GAS6: variants seen among roughly 807,000 people sequenced by gnomAD.
GAS6 encodes growth arrest-specific protein 6.
In GAS6, 41 loss-of-function variants were observed where a neutral mutation model predicts 75.8. The ratio of observed to expected loss-of-function variants is 0.54; its 90% CI spans 0.42 to 0.70. The LOEUF (loss-of-function observed/expected upper bound fraction) is 0.70, where lower values mean the gene tolerates loss of function less well. GAS6 is among the 30% of genes least tolerant of loss of function. The pLI, the probability that GAS6 is intolerant of heterozygous loss-of-function variation, is 0.00. For synonymous variants in GAS6, 432 were observed against 412.6 expected (o/e 1.05, Z -0.57); for missense variants, 854 against 940.2 (o/e 0.91, Z 1.20).
chr13:113,837,310 A>T lies in GAS6; in HGVS notation c.589+759T>A. 6.6e-6 allele frequency among the ~76,000 whole-genome samples: 1 copy of T among 151,802 alleles called. No homozygotes were observed. Among genetic ancestry groups the T allele is most frequent in the East Asian group, 1.9e-4 (1 of 5,178 alleles). On this transcript the variant is annotated intron_variant, in intron 6 of 14. Transcript: ENST00000327773. The surrounding 1 kb of genome is among the most constrained non-coding windows in gnomAD (Gnocchi z 5.1). ...TGGCCCCTCCTGTCTGGTCAGATTC[A>T]CTCTCCAGATCCTGGGGCTGTTTCT...
intron 2 of GAS6, among the ~76,000 whole-genome samples, chr13:113,859,072 A>G (rs1383515091): frequency 1.3e-5 from 2 of 148,214 alleles, no homozygotes; most frequent in African/African-American, 5.1e-5. Context: ...ACGTATGTCT[A>G]TGTGAATGTG....
intron 2 of GAS6, among the ~76,000 whole-genome samples, chr13:113,850,509 C>T (rs1279384063): frequency 6.6e-6 from 1 of 152,148 alleles, no homozygotes; most frequent in Non-Finnish European, 1.5e-5. Context: ...AAATCCTTTC[C>T]CCGGGGATCT....
intron 2 of GAS6, among the ~76,000 whole-genome samples, chr13:113,851,545 GTGAGTGAGTGGATAGA>G (rs1048471726): frequency 2.0e-5 from 3 of 151,620 alleles, no homozygotes; most frequent in Non-Finnish European, 4.4e-5. Flanking sequence ...GAATGGGTGG[GTGAGTGAGTGGATAGA>G]TGAGTGAGTG....
intron 2 of GAS6, among the ~76,000 whole-genome samples, chr13:113,853,578 TTA>T (rs1303786480): frequency 1.3e-5 from 2 of 152,376 alleles, no homozygotes; most frequent in African/African-American, 4.8e-5. Flanking sequence ...CCAAAAATCT[TTA>T]TCTTACTTGA....
At chr13:113,857,369 T>G (rs2051923199) in intron 2 of GAS6, among the ~76,000 whole-genome samples, 1 of 152,228 alleles carries the variant, frequency 6.6e-6, no homozygotes, top group Non-Finnish European at 1.5e-5. Flanking sequence ...TTTTAAAACT[T>G]TTAAAATGAA....
chr13:113,833,044 G>A (rs2051650063), intron 8 of GAS6: 1 of 1,305,746 alleles, frequency 7.7e-7, no homozygotes, highest in East Asian at 3.6e-5. Context: ...AATATTTCAA[G>A]CATACAAAAA....
At chr13:113,846,613 G>A (rs1157160517) in intron 3 of GAS6, 24 bp from the exon 4 acceptor site, 2 of 1,602,830 alleles carry the variant, frequency 1.2e-6, no homozygotes, top group Non-Finnish European at 8.5e-7. Context: ...GGGAATGGAT[G>A]TCAGTCATCC....
At chr13:113,853,616 A>G (rs1251662988) in intron 2 of GAS6, among the ~76,000 whole-genome samples, 1 of 152,260 alleles carries the variant, frequency 6.6e-6, no homozygotes, top group Admixed American at 6.5e-5. Flanking sequence ...TGCTGAGCAC[A>G]GGGACTCTGT....
chr13:113,853,765 T>A (rs750960494), intron 2 of GAS6, among the ~76,000 whole-genome samples: 10 of 152,208 alleles, frequency 6.6e-5, no homozygotes, highest in Non-Finnish European at 1.5e-4. Context: ...GGAACTGCCC[T>A]TGGGGAGCCT....
At chr13:113,828,222 C>G (rs571164260) in intron 11 of GAS6, among the ~76,000 whole-genome samples, 23 of 152,190 alleles carry the variant, frequency 1.5e-4, no homozygotes, top group Non-Finnish European at 2.6e-4. Flanking sequence ...CGAGATCGCG[C>G]CACTGCACTC....
intron 2 of GAS6, among the ~76,000 whole-genome samples, chr13:113,862,599 A>G (rs114428128): frequency 1.4e-3 from 218 of 152,288 alleles, no homozygotes; most frequent in African/African-American, 4.9e-3. Flanking sequence ...CTCTGCAGGG[A>G]TGAGCTATGT....
intron 12 of GAS6, among the ~76,000 whole-genome samples, chr13:113,826,456 C>T (rs1477678423): frequency 7.8e-4 from 88 of 112,520 alleles, no homozygotes; most frequent in African/African-American, 1.1e-3. Flanking sequence ...CCCAGCCTCC[C>T]GGCGCCGGCC....
In GAS6 at chr13:113,834,568, C is replaced by T. The variant is rs753888465; in HGVS notation, c.817G>A (p.Asp273Asn). 1 of 1,597,200 alleles carries T rather than the reference C, an allele frequency of 6.3e-7. No homozygotes were observed. The highest frequency in any genetic ancestry group is 8.5e-7 in the Non-Finnish European group (1 of 1,173,146). ...CCGCCTACCTCACAGGTGTCCATGT[C>T]CTGGGACAGCTTGAGGCCCCCACGC... ...DGRGGLKLSQ[D>N]MDTCEDILPC... The change falls in exon 8 of 15, where the codon GAC (aspartate) becomes AAC (asparagine). Residue 273 changes from aspartate (D) to asparagine (N), a missense_variant. By Grantham distance (23) the Asp-to-Asn change is conservative. Transcript: ENST00000327773.
At position 113,834,116 on chromosome 13, in the gene GAS6, CCGGTGTGACAGGT is replaced by C. The variant is rs200355199; in HGVS notation, c.834+422_834+434del. On this transcript the variant is annotated intron_variant, in intron 8 of 14. Transcript: ENST00000327773. ...CAGGTAGGTCATGCTGTGATAGGCC[CCGGTGTGACAGGT>C]CGGTGTGACAGGCACCAGTGTGACA... is the stretch of plus-strand genomic sequence containing the variant. Among the ~76,000 whole-genome samples, 548 of 136,518 alleles carry C rather than the reference CCGGTGTGACAGGT, an allele frequency of 4.0e-3. 14 individuals are homozygous for C. In the East Asian group the frequency reaches 0.05, roughly 12 times the overall value. The allele number at this position is 136,518 out of a possible 152,430, so 89.6% of individuals were successfully genotyped here.
At chr13:113,855,170 G>A (rs1304054759) in intron 2 of GAS6, among the ~76,000 whole-genome samples, 2 of 151,880 alleles carry the variant, frequency 1.3e-5, no homozygotes, top group South Asian at 2.1e-4. Context: ...CCCATCTCCG[G>A]TGAGGGCGTC....
At chr13:113,841,500 A>G (rs72488204) in intron 4 of GAS6, 26,507 of 135,150 alleles carry the variant, frequency 0.2, 3,056 homozygotes, top group South Asian at 0.26. Context: ...AATTTCCTCC[A>G]TACGCCCCAC....
Position 113,820,797 on chromosome 13 carries a change from G to A in GAS6, c.*67C>T, listed in dbSNP as rs2051443626. The stretch of plus-strand genomic sequence containing the variant: ...CTCTCAGCATGGCCCCACGTGGTGA[G>A]GAGCCCCCAGGCTCCTCCCGGCTGT... On this transcript the variant is annotated 3_prime_UTR_variant, in exon 15 of 15. Coordinates refer to ENST00000327773, the MANE Select transcript of GAS6 (RefSeq NM_000820.4). The A allele has an allele frequency of 2.0e-6, 3 of 1,534,914 alleles. No homozygotes were observed. Among genetic ancestry groups the A allele is most frequent in the Non-Finnish European group, 2.6e-6 (3 of 1,136,382 alleles).
chr13:113,862,069 T>C (rs1465968554), intron 2 of GAS6, among the ~76,000 whole-genome samples: 2 of 152,244 alleles, frequency 1.3e-5, no homozygotes, highest in Non-Finnish European at 2.9e-5. Context: ...CATTTTCTTA[T>C]CTTCATTTCA....
At chr13:113,822,406 G>A (rs2051473184) in intron 13 of GAS6, 1 of 463,456 alleles carries the variant, frequency 2.2e-6, no homozygotes. Flanking sequence ...GGCCAGCCTG[G>A]GAGGCTGTGG....
Sources: gnomAD v4.1 joint callset for allele counts (sites outside exome capture counted in the v4.1 genomes callset) on GRCh38, gnomAD v4.1.1 for gene constraint, Gnocchi (gnomAD v3.1) non-coding constraint, MANE v1.5 for transcripts, NCBI Gene and HGNC (gene_info 2026-07-23, HGNC 2026-07-21) for gene names.